LGALS3BP: variants seen among roughly 807,000 people sequenced by gnomAD.
LGALS3BP encodes galectin 3 binding protein, also known as galectin-3-binding protein.
A neutral mutation model predicts 22.9 loss-of-function variants in LGALS3BP; 25 were observed. The ratio of observed to expected loss-of-function variants is 1.09; its 90% CI spans 0.80 to 1.53. LGALS3BP has a LOEUF of 1.53. LGALS3BP is among the 40% of genes most tolerant of loss of function. LGALS3BP has a pLI of 0.00. For synonymous variants in LGALS3BP, 335 were observed against 331.1 expected (o/e 1.01, Z -0.13); for missense variants, 718 against 752.0 (o/e 0.95, Z 0.53).
Position 78,976,947 on chromosome 17 carries a change from ACCCAGGTGAGC to A in LGALS3BP, c.52+182_52+192del, listed in dbSNP as rs1164785957. The A allele has an allele frequency of 1.6e-6, 1 of 627,026 alleles. No individual in the cohort carries two copies. Among genetic ancestry groups the A allele is most frequent in the African/African-American group, 1.8e-5 (1 of 54,664 alleles). The allele number at this position is 627,026 out of a possible 1,614,324, so 38.8% of individuals were successfully genotyped here. A position where few individuals can be genotyped will look rare whatever the true frequency, so the allele number is the denominator to read the frequency against. On this transcript the variant is annotated intron_variant, in intron 2 of 5. Coordinates refer to ENST00000262776, the MANE Select transcript of LGALS3BP (RefSeq NM_005567.4). The surrounding 1 kb of genome is among the most constrained non-coding windows in gnomAD (Gnocchi z 4.6). Reference sequence around the variant, plus strand: ...TCTCTATAACCTGCATCTCACCTGAACCCAGGTGAGCCCCCGGGAACCTCCAAGTCATCATC... The same window carrying A: ...TCTCTATAACCTGCATCTCACCTGAACCCCGGGAACCTCCAAGTCATCATC...
chr17:78,974,762 G>A lies in LGALS3BP; in HGVS notation c.302C>T (p.Ala101Val), dbSNP rs1484302320. 1.2e-6 allele frequency: 2 copies of A among 1,613,840 alleles called. No homozygotes were observed. Among genetic ancestry groups the A allele is most frequent in the Non-Finnish European group, 1.7e-6 (2 of 1,179,984 alleles). Reference protein sequence around the residue: ...VQCTGTEASLADCKSLGWLKS... With the variant: ...VQCTGTEASLVDCKSLGWLKS... ...CAGCCAGCCCAGGGACTTGCAGTCG[G>A]CCAGTGAGGCCTCGGTTCCCGTGCA... is the stretch of plus-strand genomic sequence containing the variant. The change falls in exon 4 of 6, where the codon GCC (alanine) becomes GTC (valine). Residue 101 changes from alanine (A) to valine (V), a missense_variant. Ala to Val is a moderately conservative substitution (Grantham distance 64). Coordinates refer to ENST00000262776, the MANE Select transcript of LGALS3BP (RefSeq NM_005567.4).
In LGALS3BP at chr17:78,976,840, A is replaced by C. The variant is rs1174600019; in HGVS notation, c.52+300T>G. The C allele has an allele frequency of 2.3e-6, 1 of 425,586 alleles. No homozygotes were observed. The highest frequency in any genetic ancestry group is 4.3e-6 in the Non-Finnish European group (1 of 234,082). The allele number at this position is 425,586 out of a possible 1,614,324, so 26.4% of individuals were successfully genotyped here. On this transcript the variant is annotated intron_variant, in intron 2 of 5. Coordinates refer to ENST00000262776, the MANE Select transcript of LGALS3BP (RefSeq NM_005567.4). The surrounding 1 kb of genome is among the most constrained non-coding windows in gnomAD (Gnocchi z 4.6). Reference sequence around the variant, plus strand: ...GACTGACCTGCGTCCAAGGCCACTGACCTCACAACGGCCCCTGTGACTGCT... The same window carrying C: ...GACTGACCTGCGTCCAAGGCCACTGCCCTCACAACGGCCCCTGTGACTGCT...
In LGALS3BP at chr17:78,972,571, G is replaced by A; in HGVS notation, c.763C>T (p.Pro255Ser). The change falls in exon 6 of 6, where the codon CCC (proline) becomes TCC (serine). Residue 255 changes from proline to serine, a missense_variant. Pro to Ser is a moderately conservative substitution (Grantham distance 74). Coordinates refer to ENST00000262776, the MANE Select transcript of LGALS3BP (RefSeq NM_005567.4). This position sits in a 1 kb window ranked among gnomAD's most constrained non-coding sequence, Gnocchi z 5.1. ...AGGTCCAGGGGCATCTGGAACGAGG[G>A]GTCCTGGGGGAGGAGGATGGCAAAG... ...SLFAILLPQD[P>S]SFQMPLDLYA... The A allele has an allele frequency of 6.2e-7, 1 of 1,601,310 alleles. No homozygotes were observed. Among genetic ancestry groups the A allele is most frequent in the Non-Finnish European group, 8.5e-7 (1 of 1,171,384 alleles).
Position 78,976,220 on chromosome 17 carries a change from G to T in LGALS3BP, c.53-64C>A. On this transcript the variant is annotated intron_variant, in intron 2 of 5. Transcript: ENST00000262776. This position sits in a 1 kb window ranked among gnomAD's most constrained non-coding sequence, Gnocchi z 4.6. The stretch of plus-strand genomic sequence containing the variant: ...CAGCACCCACCGCCCACACCTCCAG[G>T]CCCCATATGCTGTCCTGGGTCTCCC... 3 of 1,392,210 alleles carry T rather than the reference G, an allele frequency of 2.2e-6. No homozygotes were observed. The highest frequency in any genetic ancestry group is 2.8e-5 in the South Asian group (2 of 71,742). 86.2% of individuals were successfully genotyped at this position (1,392,210 alleles called of 1,614,324 possible). A position where few individuals can be genotyped will look rare whatever the true frequency, so the allele number is the denominator to read the frequency against.
In LGALS3BP at chr17:78,972,679, T is replaced by G. The variant is rs1380285107; in HGVS notation, c.655A>C (p.Ile219Leu). 1 of 1,520,116 alleles carries G rather than the reference T, an allele frequency of 6.6e-7. No individual in the cohort carries two copies. The highest frequency in any genetic ancestry group is 1.4e-5 in the African/African-American group (1 of 71,804). The allele number at this position is 1,520,116 out of a possible 1,614,324, so 94.2% of individuals were successfully genotyped here. ...LRYFYSRRIDITLSSVKCFHK... is the reference protein window; with the variant it reads ...LRYFYSRRIDLTLSSVKCFHK... Reference sequence around the variant, plus strand: ...AAGCACTTGACTGACGACAGGGTGATGTCAATCCTTCGGGAGTAGAAGTAC... The same window carrying G: ...AAGCACTTGACTGACGACAGGGTGAGGTCAATCCTTCGGGAGTAGAAGTAC... The change falls in exon 6 of 6, where the codon ATC becomes CTC. Residue 219 changes from isoleucine to leucine, a missense_variant. Coordinates refer to ENST00000262776, the MANE Select transcript of LGALS3BP (RefSeq NM_005567.4). This position sits in a 1 kb window ranked among gnomAD's most constrained non-coding sequence, Gnocchi z 5.1.
intron 1 of LGALS3BP, among the ~76,000 whole-genome samples, chr17:78,979,152 C>T (rs1378093687): frequency 6.6e-6 from 1 of 152,128 alleles, no homozygotes; most frequent in African/African-American, 2.4e-5. Flanking sequence ...CTGATTCCTT[C>T]ATACAGTTGA....
At position 78,976,871 on chromosome 17, in the gene LGALS3BP, G is replaced by C; in HGVS notation, c.52+269C>G. 3 of 509,522 alleles carry C rather than the reference G, an allele frequency of 5.9e-6. No individual in the cohort carries two copies. Among genetic ancestry groups the C allele is most frequent in the South Asian group, 2.2e-5 (1 of 46,294 alleles). 31.6% of individuals were successfully genotyped at this position (509,522 alleles called of 1,614,324 possible). ...CAACGGCCCCTGTGACTGCTGGTTTGATCAGCCCCTCTGGTTCCCTCTGGA... is the reference window on the plus strand; with the variant it reads ...CAACGGCCCCTGTGACTGCTGGTTTCATCAGCCCCTCTGGTTCCCTCTGGA... On this transcript the variant is annotated intron_variant, in intron 2 of 5. Coordinates refer to ENST00000262776, the MANE Select transcript of LGALS3BP (RefSeq NM_005567.4). This position sits in a 1 kb window ranked among gnomAD's most constrained non-coding sequence, Gnocchi z 4.6.
At position 78,977,211 on chromosome 17, in the gene LGALS3BP, G is replaced by A. The variant is rs997286062; in HGVS notation, c.-20C>T. The A allele has an allele frequency of 6.2e-7, 1 of 1,611,810 alleles. No homozygotes were observed. Among genetic ancestry groups the A allele is most frequent in the Non-Finnish European group, 8.5e-7 (1 of 1,179,698 alleles). ...GGTCATGGCCGTGCCTGGATGCCCA[G>A]ATCCTGCAGCAGACAGAAGCGGAGG... On this transcript the variant is annotated 5_prime_UTR_variant, in exon 2 of 6. Coordinates refer to ENST00000262776, the MANE Select transcript of LGALS3BP (RefSeq NM_005567.4).
chr17:78,977,306 C>T (rs1389675313), intron 1 of LGALS3BP, 92 bp from the exon 2 acceptor site: 12 of 1,031,672 alleles, frequency 1.2e-5, no homozygotes, highest in Non-Finnish European at 1.7e-5. Flanking sequence ...TCAGCCCAAC[C>T]TGGGCTGTGT....
intron 4 of LGALS3BP, 108 bp downstream of exon 4, chr17:78,974,580 G>T: frequency 7.5e-7 from 1 of 1,335,406 alleles, no homozygotes; most frequent in Non-Finnish European, 1.0e-6. Flanking sequence ...GTAGTGGAAG[G>T]AACCTTTGTG....
Position 78,972,762 on chromosome 17 carries a change from G to T in LGALS3BP, c.630-58C>A. ...CCACAGGACAGCAGGGGAGCCCTGG[G>T]CCCAACTGTCCAACACAGCCACCTG... On this transcript the variant is annotated intron_variant, in intron 5 of 5. Coordinates refer to ENST00000262776, the MANE Select transcript of LGALS3BP (RefSeq NM_005567.4). This position sits in a 1 kb window ranked among gnomAD's most constrained non-coding sequence, Gnocchi z 5.1. 1 of 1,505,768 alleles carries T rather than the reference G, an allele frequency of 6.6e-7. No individual in the cohort carries two copies. Among genetic ancestry groups the T allele is most frequent in the Non-Finnish European group, 8.9e-7 (1 of 1,128,134 alleles). 93.3% of individuals were successfully genotyped at this position (1,505,768 alleles called of 1,614,324 possible).
intron 3 of LGALS3BP, 63 bp from the exon 4 acceptor site, chr17:78,974,882 C>A (rs913247108): frequency 3.2e-6 from 5 of 1,585,750 alleles, no homozygotes; most frequent in Middle Eastern, 1.7e-4. Context: ...TCCCACAGCG[C>A]GACTCAGCCC....
rs2070721540 is a variant in LGALS3BP at position 78,976,401 on chromosome 17, A to G, written c.53-245T>C. ...TTTAGGGGTCTCAGCCCTTCACTCC[A>G]TAGACAGAACAGGGGCAGAGAAGCC... On this transcript the variant is annotated intron_variant, in intron 2 of 5. Transcript: ENST00000262776. The surrounding 1 kb of genome is among the most constrained non-coding windows in gnomAD (Gnocchi z 4.6). Among the ~76,000 whole-genome samples, 3 of 152,200 alleles carry G rather than the reference A, an allele frequency of 2.0e-5. No homozygotes were observed. The highest frequency in any genetic ancestry group is 6.5e-5 in the Admixed American group (1 of 15,280).
intron 1 of LGALS3BP, among the ~76,000 whole-genome samples, chr17:78,979,110 G>A (rs1451474551): frequency 4.6e-5 from 7 of 151,834 alleles, no homozygotes; most frequent in East Asian, 3.9e-4. Context: ...AGGTGGCGTC[G>A]CTGCCCTTTG....
At chr17:78,974,602 C>A (rs56687134) in intron 4 of LGALS3BP, 86 bp downstream of exon 4, 2 of 1,461,358 alleles carry the variant, frequency 1.4e-6, no homozygotes. Context: ...GCTTCATGTG[C>A]GTGGGGGGGT....
intron 4 of LGALS3BP, 84 bp downstream of exon 4, chr17:78,974,604 T>TG (rs975210293): frequency 5.2e-5 from 76 of 1,465,790 alleles, no homozygotes; most frequent in East Asian, 3.5e-4. Flanking sequence ...TTCATGTGCG[T>TG]GGGGGGGTGG....
chr17:78,976,621 C>T lies in LGALS3BP; in HGVS notation c.53-465G>A, dbSNP rs115131742. Among the ~76,000 whole-genome samples, 4,270 of 152,230 alleles carry T rather than the reference C, an allele frequency of 0.028. 77 individuals carry two copies. Among genetic ancestry groups the T allele is most frequent in the African/African-American group, 0.05 (2,058 of 41,540 alleles). On this transcript the variant is annotated intron_variant, in intron 2 of 5. Coordinates refer to ENST00000262776, the MANE Select transcript of LGALS3BP (RefSeq NM_005567.4). This position sits in a 1 kb window ranked among gnomAD's most constrained non-coding sequence, Gnocchi z 4.6. ...CAGGGCAGATAATGGGATTCCCCCG[C>T]CCCACATGTCCTTCTGGGACTCAGT...
Position 78,972,464 on chromosome 17 carries a change from C to T in LGALS3BP, c.870G>A (p.Leu290=), listed in dbSNP as rs2070682015. The change falls in exon 6 of 6, where the codon TTG becomes TTA. Residue 290 remains leucine, a synonymous_variant. Coordinates refer to ENST00000262776, the MANE Select transcript of LGALS3BP (RefSeq NM_005567.4). This position sits in a 1 kb window ranked among gnomAD's most constrained non-coding sequence, Gnocchi z 5.1. ...CACTGGGCCAGGCCTCGGCCTGCGTCAAGGCCTCGAAGTTCCAGGCCAGGA... is the reference window on the plus strand; with the variant it reads ...CACTGGGCCAGGCCTCGGCCTGCGTTAAGGCCTCGAAGTTCCAGGCCAGGA... ...LQFLAWNFEA[L]TQAEAWPSVP... is the part of the protein sequence containing the mutation. The T allele has an allele frequency of 1.9e-6, 3 of 1,613,424 alleles. No homozygotes were observed. Among genetic ancestry groups the T allele is most frequent in the Admixed American group, 3.3e-5 (2 of 60,022 alleles).
At position 78,972,560 on chromosome 17, in the gene LGALS3BP, C is replaced by T. The variant is rs1490000931; in HGVS notation, c.774G>A (p.Gln258=). ...AILLPQDPSF[Q]MPLDLYAYAV... is the part of the protein sequence containing the mutation. ...CATAGGCATACAGGTCCAGGGGCAT[C>T]TGGAACGAGGGGTCCTGGGGGAGGA... The change falls in exon 6 of 6, where the codon CAG becomes CAA. Residue 258 remains glutamine, a synonymous_variant. Transcript: ENST00000262776. This position sits in a 1 kb window ranked among gnomAD's most constrained non-coding sequence, Gnocchi z 5.1. 6.2e-7 allele frequency: 1 copy of T among 1,603,942 alleles called. No individual in the cohort carries two copies. Among genetic ancestry groups the T allele is most frequent in the Non-Finnish European group, 8.5e-7 (1 of 1,172,946 alleles).
Sources: allele counts gnomAD v4.1 joint callset (sites outside exome capture counted in the v4.1 genomes callset), GRCh38; gene constraint gnomAD v4.1.1; non-coding constraint Gnocchi (gnomAD v3.1); transcripts MANE v1.5; gene names NCBI Gene and HGNC (gene_info 2026-07-23, HGNC 2026-07-21).